The following SOAT1 variants were observed in gnomAD, a reference collection of about 807,000 sequenced individuals.
SOAT1 encodes sterol O-acyltransferase 1.
A neutral mutation model predicts 69.5 loss-of-function variants in SOAT1; 55 were observed. The observed-to-expected ratio is 0.79, with a 90% CI of 0.64 to 0.99. The LOEUF is 0.99. Among genes scored for constraint, SOAT1 ranks in the 50% least tolerant of loss-of-function variants. The pLI, the probability that SOAT1 is intolerant of heterozygous loss-of-function variation, is 0.00. For missense variants in SOAT1, 580 were observed against 669.3 expected (o/e 0.87, Z 1.47); for synonymous variants, 231 against 224.7 (o/e 1.03, Z -0.25).
At chr1:179,324,782 C>T (rs528584337) in intron 3 of SOAT1, among the ~76,000 whole-genome samples, 14 of 146,598 alleles carry the variant, frequency 9.5e-5, no homozygotes, top group African/African-American at 3.2e-4. Flanking sequence ...CAATATTTAA[C>T]GTATAGACAC....
intron 2 of SOAT1, among the ~76,000 whole-genome samples, chr1:179,316,754 A>C (rs545616867): frequency 6.6e-6 from 1 of 152,284 alleles, no homozygotes; most frequent in South Asian, 2.1e-4. Flanking sequence ...TGTGTCTCTC[A>C]ACAGTTCTGG....
chr1:179,312,118 T>C (rs1259104132), intron 2 of SOAT1, among the ~76,000 whole-genome samples: 1 of 152,234 alleles, frequency 6.6e-6, no homozygotes, highest in Non-Finnish European at 1.5e-5. Flanking sequence ...CAACTACTTT[T>C]GTGAGGAATG....
Position 179,344,352 on chromosome 1 carries a change from GGTTTTTTTTTT to G in SOAT1, c.988-594_988-584del, listed in dbSNP as rs1353405030. Among the ~76,000 whole-genome samples, 807 of 120,480 alleles carry G rather than the reference GGTTTTTTTTTT, an allele frequency of 6.7e-3. 162 individuals are homozygous for G. The East Asian group carries it at 0.078, about 12-fold the overall frequency. 79.0% of individuals were successfully genotyped at this position (120,480 alleles called of 152,430 possible). ...TATGAAGTAAGTTCTTTCATTAAGG[GGTTTTTTTTTT>G]TTTTTTTTTTTTTTTTTTTTTTTTT... On this transcript the variant is annotated intron_variant, in intron 10 of 15. Coordinates refer to ENST00000367619, the MANE Select transcript of SOAT1 (RefSeq NM_003101.6).
At chr1:179,342,317 TTC>T in intron 8 of SOAT1, 125 bp downstream of exon 8, 1 of 579,438 alleles carries the variant, frequency 1.7e-6, no homozygotes, top group Non-Finnish European at 3.0e-6. Flanking sequence ...CTTTTTCTCT[TTC>T]TCTTTCTCTC....
intron 1 of SOAT1, among the ~76,000 whole-genome samples, chr1:179,298,700 A>G (rs1013229139): frequency 6.6e-6 from 1 of 152,156 alleles, no homozygotes; most frequent in African/African-American, 2.4e-5. Context: ...ATTAGCCTAC[A>G]GTTGGGCAAA....
chr1:179,323,253 G>T (rs1442871642), intron 2 of SOAT1, among the ~76,000 whole-genome samples, 184 bp from the exon 3 acceptor site: 2 of 151,944 alleles, frequency 1.3e-5, no homozygotes, highest in Non-Finnish European at 2.9e-5. Flanking sequence ...TACTAGTTTT[G>T]TTCTTAGTAT....
At chr1:179,333,352 A>G (rs956346124) in intron 3 of SOAT1, among the ~76,000 whole-genome samples, 3 of 151,772 alleles carry the variant, frequency 2.0e-5, no homozygotes, top group Non-Finnish European at 2.9e-5. Context: ...ACAGCCTCAC[A>G]TATCTTTTTC....
At chr1:179,333,950 G>A (rs748407517) in intron 3 of SOAT1, among the ~76,000 whole-genome samples, 2 of 152,186 alleles carry the variant, frequency 1.3e-5, no homozygotes, top group Non-Finnish European at 2.9e-5. Context: ...TCACCCAGTC[G>A]GCTGCAACCA....
Position 179,337,834 on chromosome 1 carries a change from C to A in SOAT1, c.330-3C>A. The A allele has an allele frequency of 6.2e-7, 1 of 1,606,364 alleles. No individual in the cohort carries two copies. The highest frequency in any genetic ancestry group is 8.5e-7 in the Non-Finnish European group (1 of 1,175,814). The stretch of plus-strand genomic sequence containing the variant: ...ATCTTGTTTTAATTTTTCCTCTTCT[C>A]AGGGATTTGAGAGCACCTCCAGAAC... On this transcript the variant is annotated splice_polypyrimidine_tract_variant and splice_region_variant and intron_variant, in intron 4 of 15. Coordinates refer to ENST00000367619, the MANE Select transcript of SOAT1 (RefSeq NM_003101.6).
intron 2 of SOAT1, among the ~76,000 whole-genome samples, chr1:179,315,487 G>C (rs1488041269): frequency 6.6e-6 from 1 of 151,514 alleles, no homozygotes; most frequent in African/African-American, 2.4e-5. Context: ...AAAAAGCAGT[G>C]GATATTAGCT....
Position 179,312,507 on chromosome 1 carries a change from C to T in SOAT1, c.118+9705C>T, listed in dbSNP as rs562133648. On this transcript the variant is annotated intron_variant, in intron 2 of 15. Transcript: ENST00000367619. ...CTACAGACTTCTCGTGTCTCATTGGCCAGAGTTAGATTACAAGTTATGCTG... is the reference window on the plus strand; with the variant it reads ...CTACAGACTTCTCGTGTCTCATTGGTCAGAGTTAGATTACAAGTTATGCTG... Among the ~76,000 whole-genome samples the T allele has an allele frequency of 4.6e-5, 7 of 152,286 alleles. No homozygotes were observed. The South Asian group carries it at 6.2e-4, about 14-fold the overall frequency.
intron 5 of SOAT1, among the ~76,000 whole-genome samples, chr1:179,339,210 T>C (rs192289843): frequency 1.3e-4 from 20 of 152,264 alleles, no homozygotes. Context: ...TTCTTAACAT[T>C]TGAAATAGTT....
Position 179,329,198 on chromosome 1 carries a change from G to T in SOAT1, c.177+5703G>T, listed in dbSNP as rs565578778. On this transcript the variant is annotated intron_variant, in intron 3 of 15. Transcript: ENST00000367619. ...GAGTCAGGATACAAAAATTAGCTGG[G>T]TGTGGTGACACATGCCTATAATCCT... Among the ~76,000 whole-genome samples the T allele has an allele frequency of 7.2e-5, 11 of 152,152 alleles. No individual in the cohort carries two copies. In the East Asian group the frequency reaches 1.2e-3, roughly 16 times the overall value.
chr1:179,294,135 C>G (rs1006816736), intron 1 of SOAT1, among the ~76,000 whole-genome samples, 199 bp downstream of exon 1: 1 of 152,230 alleles, frequency 6.6e-6, no homozygotes, highest in Admixed American at 6.5e-5. Context: ...GCGCCCGGGT[C>G]ACGGGCAGCC....
intron 2 of SOAT1, among the ~76,000 whole-genome samples, chr1:179,309,661 C>A (rs1254381262): frequency 6.6e-6 from 1 of 151,870 alleles, no homozygotes; most frequent in Non-Finnish European, 1.5e-5. Context: ...TTTAAAAGCC[C>A]TGTTCATATC....
chr1:179,324,771 A>G (rs1266798623), intron 3 of SOAT1, among the ~76,000 whole-genome samples: 1 of 136,438 alleles, frequency 7.3e-6, no homozygotes, highest in Non-Finnish European at 1.7e-5. Flanking sequence ...TAAGAAAATA[A>G]CAATATTTAA....
intron 10 of SOAT1, 70 bp from the exon 11 acceptor site, chr1:179,344,877 G>T: frequency 6.8e-7 from 1 of 1,480,236 alleles, no homozygotes; most frequent in Non-Finnish European, 9.4e-7. Context: ...ACTTTCTTTT[G>T]GAGAGAAAAA....
At chr1:179,351,720 A>ATTTTTTTTTTTTTTTTTTT in intron 15 of SOAT1, among the ~76,000 whole-genome samples, 1 of 43,502 alleles carries the variant, frequency 2.3e-5, no homozygotes, top group African/African-American at 9.5e-5. Context: ...AGCCCCTTCT[A>ATTTTTTTTTTTTTTTTTTT]ATTTTTTTTT....
At chr1:179,312,468 C>A (rs1394123720) in intron 2 of SOAT1, among the ~76,000 whole-genome samples, 2 of 152,196 alleles carry the variant, frequency 1.3e-5, no homozygotes, top group Non-Finnish European at 2.9e-5. Flanking sequence ...ATGAAACCTT[C>A]GCTAGAAATT....
Sources: allele counts gnomAD v4.1 joint callset (sites outside exome capture counted in the v4.1 genomes callset), GRCh38; gene constraint gnomAD v4.1.1; transcripts MANE v1.5; gene names NCBI Gene and HGNC (gene_info 2026-07-23, HGNC 2026-07-21).